The following NKAIN2 variants were observed in gnomAD, a reference collection of about 807,000 sequenced individuals.
NKAIN2 encodes the protein sodium/potassium-transporting ATPase subunit beta-1-interacting protein 2.
NKAIN2 carries 14 observed loss-of-function variants against 32.6 expected under a neutral mutation model. The observed-to-expected ratio is 0.43, with a 90% CI of 0.28 to 0.67. NKAIN2 has a LOEUF of 0.67. NKAIN2 is among the 30% of genes least tolerant of loss of function. The probability of loss-of-function intolerance (pLI) is 0.17; values close to 1 mark genes in which losing one functional copy is unlikely to be tolerated. For synonymous variants in NKAIN2, 80 were observed against 87.2 expected (o/e 0.92, Z 0.46); for missense variants, 198 against 258.3 (o/e 0.77, Z 1.60).
intron 1 of NKAIN2, among the ~76,000 whole-genome samples, chr6:123,880,405 T>C (rs959170427): frequency 1.3e-5 from 2 of 152,080 alleles, no homozygotes; most frequent in African/African-American, 4.8e-5. Context: ...GGCCCAGAAA[T>C]GGCACATGTC....
chr6:123,986,080 A>T (rs567684550), intron 1 of NKAIN2, among the ~76,000 whole-genome samples: 1 of 152,296 alleles, frequency 6.6e-6, no homozygotes, highest in South Asian at 2.1e-4. Flanking sequence ...AAAATAATTT[A>T]AAAACTAGCT....
chr6:124,562,297 A>T (rs1218198416), intron 3 of NKAIN2, among the ~76,000 whole-genome samples: 3 of 152,216 alleles, frequency 2.0e-5, no homozygotes, highest in Non-Finnish European at 4.4e-5. Context: ...CAAATAAAAA[A>T]ATGAAGTGCA....
intron 3 of NKAIN2, among the ~76,000 whole-genome samples, chr6:124,523,206 G>A (rs1038423697): frequency 8.6e-5 from 13 of 150,364 alleles, no homozygotes; most frequent in South Asian, 2.1e-4. Context: ...TTCATTTCCC[G>A]AATCCTCTTA....
chr6:124,436,724 T>TCTC (rs1207537994), intron 3 of NKAIN2, among the ~76,000 whole-genome samples: 1 of 152,150 alleles, frequency 6.6e-6, no homozygotes, highest in Non-Finnish European at 1.5e-5. Context: ...GCCACCAGGA[T>TCTC]CTCCTGTCTG....
At chr6:124,126,861 G>A (rs934953446) in intron 1 of NKAIN2, among the ~76,000 whole-genome samples, 3 of 152,112 alleles carry the variant, frequency 2.0e-5, no homozygotes, top group African/African-American at 4.8e-5. Flanking sequence ...GGACTAAAGC[G>A]AGAAGACTGC....
chr6:124,359,231 G>C (rs1799150052), intron 3 of NKAIN2, among the ~76,000 whole-genome samples: 1 of 151,680 alleles, frequency 6.6e-6, no homozygotes, highest in South Asian at 2.1e-4. Context: ...TGTTCTTTTG[G>C]CTTAGGATTG....
At chr6:124,606,658 T>C (rs1391502546) in intron 3 of NKAIN2, among the ~76,000 whole-genome samples, 2 of 152,120 alleles carry the variant, frequency 1.3e-5, no homozygotes, top group Admixed American at 6.6e-5. Flanking sequence ...AGAAATGATA[T>C]ATGCATTAAA....
At chr6:124,726,071 T>A (rs1776285263) in intron 4 of NKAIN2, among the ~76,000 whole-genome samples, 1 of 152,170 alleles carries the variant, frequency 6.6e-6, no homozygotes, top group Non-Finnish European at 1.5e-5. Flanking sequence ...CCACGGAGTC[T>A]CGCTGATTGC....
At chr6:124,259,882 CATTCTGTGA>C (rs1794149558) in intron 1 of NKAIN2, among the ~76,000 whole-genome samples, 1 of 152,078 alleles carries the variant, frequency 6.6e-6, no homozygotes, top group South Asian at 2.1e-4. Context: ...GTTATGGGGC[CATTCTGTGA>C]ATAAGACACT....
intron 1 of NKAIN2, among the ~76,000 whole-genome samples, chr6:124,066,278 G>A (rs1783170919): frequency 6.6e-6 from 1 of 152,058 alleles, no homozygotes; most frequent in African/African-American, 2.4e-5. Flanking sequence ...TATATTTTGA[G>A]CCTACTGATA....
intron 3 of NKAIN2, among the ~76,000 whole-genome samples, chr6:124,377,780 A>G (rs1800055036): frequency 6.6e-6 from 1 of 152,154 alleles, no homozygotes; most frequent in Non-Finnish European, 1.5e-5. Flanking sequence ...GCATTTTAGG[A>G]ATATAACTAG....
At chr6:123,897,230 T>C (rs932647315) in intron 1 of NKAIN2, among the ~76,000 whole-genome samples, 2 of 152,150 alleles carry the variant, frequency 1.3e-5, no homozygotes, top group Admixed American at 1.3e-4. Context: ...AAAGCATCCA[T>C]ACTGCTTTGC....
intron 3 of NKAIN2, among the ~76,000 whole-genome samples, chr6:124,645,535 T>C (rs2114374103): frequency 6.6e-6 from 1 of 152,322 alleles, no homozygotes; most frequent in African/African-American, 2.4e-5. Flanking sequence ...TGGTGCCTAA[T>C]AATAAGAAGA....
At chr6:123,980,798 T>C (rs1302653888) in intron 1 of NKAIN2, among the ~76,000 whole-genome samples, 1 of 152,158 alleles carries the variant, frequency 6.6e-6, no homozygotes, top group Non-Finnish European at 1.5e-5. Flanking sequence ...TAATGTTGAA[T>C]TGGGATCCAA....
intron 3 of NKAIN2, among the ~76,000 whole-genome samples, chr6:124,402,525 G>A (rs1773667613): frequency 6.6e-6 from 1 of 152,126 alleles, no homozygotes; most frequent in African/African-American, 2.4e-5. Context: ...CTTTATATAA[G>A]GTCTTGATAT....
chr6:123,857,174 A>G (rs1050102847), intron 1 of NKAIN2, among the ~76,000 whole-genome samples: 13 of 152,148 alleles, frequency 8.5e-5, no homozygotes, highest in African/African-American at 2.9e-4. Flanking sequence ...TCAGGGGTTT[A>G]TGGAACCCCT....
chr6:124,425,824 T>C (rs1199498902), intron 3 of NKAIN2, among the ~76,000 whole-genome samples: 1 of 152,142 alleles, frequency 6.6e-6, no homozygotes, highest in African/African-American at 2.4e-5. Context: ...GAGGGTATAT[T>C]GAGGAATGAG....
chr6:124,271,237 A>G (rs1794750706), intron 1 of NKAIN2, among the ~76,000 whole-genome samples: 1 of 151,760 alleles, frequency 6.6e-6, no homozygotes, highest in East Asian at 1.9e-4. Context: ...TTTTTTTTTG[A>G]GACAGAGTCT....
chr6:124,630,968 G>A (rs1191188008), intron 3 of NKAIN2, among the ~76,000 whole-genome samples: 1 of 152,098 alleles, frequency 6.6e-6, no homozygotes, highest in Non-Finnish European at 1.5e-5. Context: ...TCAAAATAAT[G>A]TAGCCGTATT....
Sources: allele counts gnomAD v4.1 joint callset (sites outside exome capture counted in the v4.1 genomes callset), GRCh38; gene constraint gnomAD v4.1.1; transcripts MANE v1.5; gene names NCBI Gene and HGNC (gene_info 2026-07-23, HGNC 2026-07-21).